Variants in AGBL1 observed in about 807,000 individuals in gnomAD.
The protein encoded by AGBL1 is cytosolic carboxypeptidase 4.
In AGBL1, 130 loss-of-function variants were observed where a neutral mutation model predicts 118.9. The ratio of observed to expected loss-of-function variants is 1.09; its 90% CI spans 0.95 to 1.26. AGBL1 has a LOEUF of 1.26. AGBL1 is among the 50% of genes most tolerant of loss of function. AGBL1 has a pLI of 0.00. For synonymous variants in AGBL1, 555 were observed against 478.9 expected, an observed-to-expected ratio of 1.16 and a Z score of -2.08; for missense variants, 1,584 against 1,298.1, an observed-to-expected ratio of 1.22 and a Z score of -3.38.
At chr15:86,095,259 A>G (rs1382391874) in intron 1 of AGBL1, among the ~76,000 whole-genome samples, 1 of 152,156 alleles carries the variant, frequency 6.6e-6, no homozygotes, top group African/African-American at 2.4e-5. Context: ...TCCATTGCAT[A>G]GGCCTGACTG....
intron 15 of AGBL1, among the ~76,000 whole-genome samples, chr15:86,275,638 G>A (rs904688192): frequency 2.6e-5 from 4 of 152,162 alleles, no homozygotes; most frequent in Non-Finnish European, 4.4e-5. Context: ...AAGTCTTTAT[G>A]ATTATAAAAG....
chr15:87,017,864 C>T (rs776566675), intron 24 of AGBL1, among the ~76,000 whole-genome samples: 63 of 152,076 alleles, frequency 4.1e-4, no homozygotes, highest in Non-Finnish European at 1.3e-4. Flanking sequence ...GCTAAAGGAG[C>T]ATGTTGTAAC....
chr15:86,127,376 G>A (rs912992885), intron 1 of AGBL1, among the ~76,000 whole-genome samples: 17 of 152,148 alleles, frequency 1.1e-4, no homozygotes, highest in Admixed American at 4.6e-4. Context: ...TATAAATGAC[G>A]TGGGTCCTCC....
intron 22 of AGBL1, among the ~76,000 whole-genome samples, chr15:86,725,689 G>A (rs1390647830): frequency 6.6e-6 from 1 of 152,162 alleles, no homozygotes; most frequent in Non-Finnish European, 1.5e-5. Context: ...TAGGACATGG[G>A]GTGGTGTGAG....
intron 22 of AGBL1, among the ~76,000 whole-genome samples, chr15:86,895,486 T>C (rs892204447): frequency 7.2e-5 from 11 of 151,978 alleles, no homozygotes; most frequent in African/African-American, 2.7e-4. Flanking sequence ...GTAGTTCTTT[T>C]TAGCAGTGGT....
chr15:86,678,198 C>T lies in AGBL1; in HGVS notation c.3158+3762C>T, dbSNP rs142749358. Among the ~76,000 whole-genome samples the T allele has an allele frequency of 2.5e-3, 378 of 152,228 alleles. 2 individuals carry two copies. The highest frequency in any genetic ancestry group is 8.8e-3 in the African/African-American group (365 of 41,548). ...ATATATTGTCATTAACTATATTCAC[C>T]ATGCTGGCAATAAATTATTTGAACT... On this transcript the variant is annotated intron_variant, in intron 22 of 22. Transcript: ENST00000614907.
intron 18 of AGBL1, among the ~76,000 whole-genome samples, chr15:86,402,571 G>A (rs1298326481): frequency 6.6e-6 from 1 of 152,146 alleles, no homozygotes; most frequent in East Asian, 1.9e-4. Context: ...GATCAGTAAA[G>A]AGACAATCCT....
intron 21 of AGBL1, among the ~76,000 whole-genome samples, chr15:86,573,468 G>A (rs2142315109): frequency 6.6e-6 from 1 of 152,316 alleles, no homozygotes; most frequent in Non-Finnish European, 1.5e-5. Context: ...GGTTGTGTAT[G>A]TGTGTGTGTA....
At chr15:87,021,867 C>T (rs917472456) in intron 24 of AGBL1, among the ~76,000 whole-genome samples, 1 of 152,124 alleles carries the variant, frequency 6.6e-6, no homozygotes, top group African/African-American at 2.4e-5. Context: ...AAAGGACCCA[C>T]AGACCCCTGA....
intron 21 of AGBL1, among the ~76,000 whole-genome samples, chr15:86,562,831 G>T (rs2083847276): frequency 6.6e-6 from 1 of 150,638 alleles, no homozygotes; most frequent in Non-Finnish European, 1.5e-5. Flanking sequence ...GCCTGTTATT[G>T]GTCTATTCAG....
chr15:86,790,367 C>T (rs973317912), intron 22 of AGBL1, among the ~76,000 whole-genome samples: 25 of 151,468 alleles, frequency 1.7e-4, no homozygotes, highest in East Asian at 7.8e-4. Flanking sequence ...CACACACACA[C>T]GCATGCACGC....
chr15:86,400,575 T>A (rs2081429521), intron 18 of AGBL1, among the ~76,000 whole-genome samples: 1 of 151,504 alleles, frequency 6.6e-6, no homozygotes, highest in South Asian at 2.1e-4. Context: ...CAGTGTACAT[T>A]GTACCCAATG....
At chr15:86,558,747 T>C (rs2437785) in intron 21 of AGBL1, among the ~76,000 whole-genome samples, 150,597 of 152,296 alleles carry the variant, frequency 0.99, 74,551 homozygotes, top group Middle Eastern at 1. Flanking sequence ...AGTGGCCCTT[T>C]ATTCACTCCA....
chr15:86,620,765 T>C (rs1464533221), intron 21 of AGBL1, among the ~76,000 whole-genome samples: 1 of 152,158 alleles, frequency 6.6e-6, no homozygotes, highest in Non-Finnish European at 1.5e-5. Context: ...GCCAGCTATG[T>C]GATTTTTCCA....
chr15:86,715,625 T>C lies in AGBL1; in HGVS notation c.3158+41189T>C, dbSNP rs1255166208. ...AAATTTTTTGAGGAAGAAGATAGCTTGGTGGATCTGTTTTATCTGCAAGAT... is the reference window on the plus strand; with the variant it reads ...AAATTTTTTGAGGAAGAAGATAGCTCGGTGGATCTGTTTTATCTGCAAGAT... On this transcript the variant is annotated intron_variant, in intron 22 of 22. Coordinates refer to ENST00000614907, the MANE Select transcript of AGBL1 (RefSeq NM_001386094.1). Among the ~76,000 whole-genome samples the C allele has an allele frequency of 2.0e-5, 3 of 152,148 alleles. No homozygotes were observed. The East Asian group carries it at 5.8e-4, about 29-fold the overall frequency.
intron 3 of AGBL1, among the ~76,000 whole-genome samples, chr15:86,144,829 AT>A (rs1328601415): frequency 6.6e-6 from 1 of 152,232 alleles, no homozygotes; most frequent in African/African-American, 2.4e-5. Context: ...AGTTAAAAAA[AT>A]AAAGTCTATA....
chr15:86,775,707 C>T (rs971767414), intron 22 of AGBL1, among the ~76,000 whole-genome samples: 2 of 152,052 alleles, frequency 1.3e-5, no homozygotes, highest in African/African-American at 4.8e-5. Context: ...ACATTTTTAA[C>T]TCATGCCAGA....
intron 23 of AGBL1, among the ~76,000 whole-genome samples, chr15:86,921,417 T>C (rs974208215): frequency 3.3e-5 from 5 of 152,128 alleles, no homozygotes; most frequent in Non-Finnish European, 7.4e-5. Flanking sequence ...CTCAGGGACA[T>C]ACGTTAAGAT....
chr15:86,504,896 G>A (rs1413687510), intron 18 of AGBL1, among the ~76,000 whole-genome samples: 4 of 151,678 alleles, frequency 2.6e-5, no homozygotes, highest in African/African-American at 9.7e-5. Flanking sequence ...ACTGTCTAGT[G>A]TCTTTTCATT....
Sources: allele counts gnomAD v4.1 joint callset (sites outside exome capture counted in the v4.1 genomes callset), GRCh38; gene constraint gnomAD v4.1.1; transcripts MANE v1.5; gene names NCBI Gene and HGNC (gene_info 2026-07-23, HGNC 2026-07-21).